PCNX4: variants seen among roughly 807,000 people sequenced by gnomAD.
PCNX4 encodes the protein pecanex-like protein 4.
A neutral mutation model predicts 107.2 loss-of-function variants in PCNX4; 103 were observed. The ratio of observed to expected loss-of-function variants is 0.96; its 90% confidence interval spans 0.82 to 1.13. The LOEUF (loss-of-function observed/expected upper bound fraction) is 1.13. PCNX4 is among the 50% of genes most tolerant of loss of function. The pLI, the probability that PCNX4 is intolerant of heterozygous loss-of-function variation, is 0.00. For missense variants in PCNX4, 1,528 were observed against 1,379.4 expected (o/e 1.11, Z -1.71); for synonymous variants, 541 against 481.7 (o/e 1.12, Z -1.61).
rs747483127 is a variant in PCNX4 at position 60,121,161 on chromosome 14, CTTTTTTT to C, written c.1943-21_1943-15del. 1,971 of 1,103,104 alleles carry C rather than the reference CTTTTTTT, an allele frequency of 1.8e-3. 18 individuals carry two copies. In the African/African-American group the frequency reaches 0.025, roughly 14 times the overall value. 68.3% of individuals were successfully genotyped at this position (1,103,104 alleles called of 1,614,324 possible). A position where few individuals can be genotyped will look rare whatever the true frequency, so the allele number is the denominator to read the frequency against. On this transcript the variant is annotated intron_variant, in intron 7 of 10. Transcript: ENST00000406854. ...ATAAAAGAAGTTTGAAAATGATTTT[CTTTTTTT>C]TTTTTTTTTTTTTCTAATTTGTTGT...
chr14:60,142,827 G>C lies in PCNX4; in HGVS notation c.*8606G>C, dbSNP rs748985052. 1.3e-5 allele frequency: 2 copies of C among 152,282 alleles called. No individual in the cohort carries two copies. Among genetic ancestry groups the C allele is most frequent in the African/African-American group, 2.4e-5 (1 of 41,420 alleles). 9.4% of individuals were successfully genotyped at this position (152,282 alleles called of 1,614,324 possible). ...AAAAATACAAAACTTAGCCGGGCAT[G>C]GTGGTGCACACCTGTAGTCCCAGCT... is the stretch of plus-strand genomic sequence containing the variant. On this transcript the variant is annotated 3_prime_UTR_variant, in exon 11 of 11. Transcript: ENST00000406854. This position sits in a 1 kb window ranked among gnomAD's most constrained non-coding sequence, Gnocchi z 4.7.
At chr14:60,104,852 G>C (rs568361496) in intron 1 of PCNX4, among the ~76,000 whole-genome samples, 2 of 152,276 alleles carry the variant, frequency 1.3e-5, no homozygotes, top group East Asian at 3.9e-4. Context: ...AGATTTGGGT[G>C]GGGAAACAGC....
chr14:60,116,408 C>A (rs1408354213), intron 6 of PCNX4, among the ~76,000 whole-genome samples: 1 of 152,184 alleles, frequency 6.6e-6, no homozygotes, highest in East Asian at 1.9e-4. Flanking sequence ...TCAGTACAGT[C>A]ATGCACTGCA....
chr14:60,124,018 A>T (rs756780722), intron 8 of PCNX4, among the ~76,000 whole-genome samples, 200 bp from the exon 9 acceptor site: 2 of 152,114 alleles, frequency 1.3e-5, no homozygotes, highest in Non-Finnish European at 2.9e-5. Context: ...TAATAGTAGC[A>T]TTATTTTTAA....
chr14:60,121,962 G>A (rs1199128079), intron 8 of PCNX4, among the ~76,000 whole-genome samples: 1 of 151,966 alleles, frequency 6.6e-6, no homozygotes, highest in African/African-American at 2.4e-5. Context: ...TCTTTTCTTT[G>A]ACCTTTTAAC....
intron 2 of PCNX4, among the ~76,000 whole-genome samples, chr14:60,111,789 A>G (rs955460842): frequency 2.6e-5 from 4 of 152,192 alleles, no homozygotes; most frequent in Non-Finnish European, 5.9e-5. Flanking sequence ...GATAATTACA[A>G]AGAGTTTTTT....
intron 2 of PCNX4, chr14:60,108,602 GTTT>G (rs1281509292): frequency 4.4e-6 from 1 of 229,770 alleles, no homozygotes; most frequent in Non-Finnish European, 9.1e-6. Context: ...GGAGCTTTGA[GTTT>G]TTAAGATAGC....
chr14:60,120,343 A>AC (rs1233443808), intron 7 of PCNX4, among the ~76,000 whole-genome samples: 3 of 152,236 alleles, frequency 2.0e-5, no homozygotes, highest in African/African-American at 7.2e-5. Flanking sequence ...CCTAGGACAT[A>AC]CCAATACTCC....
chr14:60,139,859 T>G lies in PCNX4; in HGVS notation c.*5638T>G, dbSNP rs1269718603. ...AAATTACAATGAAAATTAGAATATATTTGAACTGAGTAGTGAAAGTGCTAC... is the reference window on the plus strand; with the variant it reads ...AAATTACAATGAAAATTAGAATATAGTTGAACTGAGTAGTGAAAGTGCTAC... On this transcript the variant is annotated 3_prime_UTR_variant, in exon 11 of 11. Transcript: ENST00000406854. 6.6e-6 allele frequency: 1 copy of G among 151,990 alleles called. No homozygotes were observed. The highest frequency in any genetic ancestry group is 1.5e-5 in the Non-Finnish European group (1 of 67,960). The allele number at this position is 151,990 out of a possible 1,614,324, so 9.4% of individuals were successfully genotyped here.
rs542536213 is a variant in PCNX4 at position 60,097,591 on chromosome 14, A to G, written c.-54+5172A>G. Among the ~76,000 whole-genome samples the G allele has an allele frequency of 2.6e-5, 4 of 152,346 alleles. No individual in the cohort carries two copies. In the South Asian group the frequency reaches 8.3e-4, roughly 32 times the overall value. ...CATGTGCCTCTGCCTCTCATTAGGTAGGGAATGTTGTTTCTATCTCAACCA... is the reference window on the plus strand; with the variant it reads ...CATGTGCCTCTGCCTCTCATTAGGTGGGGAATGTTGTTTCTATCTCAACCA... On this transcript the variant is annotated intron_variant, in intron 1 of 10. Transcript: ENST00000406854.
At chr14:60,110,309 A>T (rs1031617035) in intron 2 of PCNX4, 1 of 167,160 alleles carries the variant, frequency 6.0e-6, no homozygotes, top group Non-Finnish European at 1.5e-5. Flanking sequence ...GCCAAAGGTG[A>T]TTTAAGGGTC....
chr14:60,108,814 A>T (rs1895681562), intron 2 of PCNX4: 1 of 99,254 alleles, frequency 1.0e-5, no homozygotes, highest in Admixed American at 1.5e-4. Context: ...AAAAGTAGAA[A>T]ATAGTTTTTT....
At position 60,114,967 on chromosome 14, in the gene PCNX4, T is replaced by C; in HGVS notation, c.870-7T>C. On this transcript the variant is annotated splice_polypyrimidine_tract_variant and splice_region_variant and intron_variant, in intron 3 of 10. Transcript: ENST00000406854. ...TAAATATTTTTTTCTTTTTTTTTTCTGTACAGGTTATTAGTAATGTTCATC... is the reference window on the plus strand; with the variant it reads ...TAAATATTTTTTTCTTTTTTTTTTCCGTACAGGTTATTAGTAATGTTCATC... The C allele has an allele frequency of 6.4e-7, 1 of 1,563,732 alleles. No individual in the cohort carries two copies.
chr14:60,110,682 T>C (rs1484286610), intron 2 of PCNX4: 5 of 167,086 alleles, frequency 3.0e-5, no homozygotes, highest in Non-Finnish European at 4.4e-5. Flanking sequence ...CAGGATGGAT[T>C]GTACCTAGGT....
intron 1 of PCNX4, among the ~76,000 whole-genome samples, chr14:60,095,192 G>A (rs1182530939): frequency 6.6e-6 from 1 of 152,210 alleles, no homozygotes; most frequent in Non-Finnish European, 1.5e-5. Flanking sequence ...CAATTGTCAT[G>A]TAAGAGGTGG....
chr14:60,101,886 T>C (rs1419416323), intron 1 of PCNX4, among the ~76,000 whole-genome samples: 4 of 152,180 alleles, frequency 2.6e-5, no homozygotes, highest in Admixed American at 2.6e-4. Context: ...TACAACGGAC[T>C]ATTATTCAGC....
rs1402257584 is a variant in PCNX4, at chr14:60,115,118, CA to C, written c.1017del (p.Lys339AsnfsTer25). The C allele has an allele frequency of 1.2e-6, 2 of 1,613,776 alleles. No homozygotes were observed. Among genetic ancestry groups the C allele is most frequent in the Non-Finnish European group, 1.7e-6 (2 of 1,179,832 alleles). On this transcript the variant is annotated frameshift_variant, in exon 4 of 11. Coordinates refer to ENST00000406854, the MANE Select transcript of PCNX4 (RefSeq NM_001330177.2). LOFTEE classifies it high-confidence loss of function. ...LSDMGHKIGT[K>X]SKDLPSGPEK... ...GTGATATGGGTCACAAAATTGGAACCAAATCTAAGGATTTACCCAGTGGTCC... is the reference window on the plus strand; with the variant it reads ...GTGATATGGGTCACAAAATTGGAACCAATCTAAGGATTTACCCAGTGGTCC...
Position 60,114,989 on chromosome 14 carries a change from C to A in PCNX4, c.885C>A (p.Phe295Leu). 6.3e-7 allele frequency: 1 copy of A among 1,599,230 alleles called. No homozygotes were observed. The highest frequency in any genetic ancestry group is 1.1e-5 in the South Asian group (1 of 89,286). ...TTCTGTACAGGTTATTAGTAATGTTCATCATGTCTGCTGGAACAGCTATAG... is the reference window on the plus strand; with the variant it reads ...TTCTGTACAGGTTATTAGTAATGTTAATCATGTCTGCTGGAACAGCTATAG... The part of the protein sequence containing the change: ...MSTHLRLLVM[F>L]IMSAGTAIAS... The change falls in exon 4 of 11, where the codon TTC becomes TTA. Residue 295 changes from phenylalanine (F) to leucine (L), a missense_variant. Transcript: ENST00000406854.
intron 1 of PCNX4, among the ~76,000 whole-genome samples, chr14:60,101,400 A>G (rs1419304077): frequency 1.3e-5 from 2 of 152,012 alleles, no homozygotes; most frequent in Non-Finnish European, 2.9e-5. Flanking sequence ...CAATTTCATA[A>G]AAAGGAACAC....
Sources: allele counts gnomAD v4.1 joint callset (sites outside exome capture counted in the v4.1 genomes callset), GRCh38; gene constraint gnomAD v4.1.1; non-coding constraint Gnocchi (gnomAD v3.1); transcripts MANE v1.5; gene names NCBI Gene and HGNC (gene_info 2026-07-23, HGNC 2026-07-21).